The following HAS1 variants were observed in gnomAD, a reference collection of about 807,000 sequenced individuals.
HAS1 encodes the protein hyaluronan synthase 1, also known as HA synthase 1.
HAS1 carries 27 observed loss-of-function variants against 35.0 expected under a neutral mutation model. The ratio of observed to expected loss-of-function variants is 0.77; its 90% CI spans 0.57 to 1.06. HAS1 has a LOEUF of 1.06. Among genes scored for constraint, HAS1 ranks in the 50% least tolerant of loss-of-function variants. The pLI is 0.00. For missense variants in HAS1, 940 were observed against 814.8 expected (o/e 1.15, Z -1.87); for synonymous variants, 409 against 371.2 (o/e 1.10, Z -1.17).
intron 2 of HAS1, among the ~76,000 whole-genome samples, chr19:51,717,780 G>A (rs2083597283): frequency 6.6e-6 from 1 of 152,172 alleles, no homozygotes; most frequent in African/African-American, 2.4e-5. Flanking sequence ...AGCTCCAGCT[G>A]ACACCTTGAT....
In HAS1 at chr19:51,713,533, C is replaced by G. The variant is rs2083555841; in HGVS notation, c.1628G>C (p.Gly543Ala). 1 of 1,594,852 alleles carries G rather than the reference C, an allele frequency of 6.3e-7. No individual in the cohort carries two copies. Among genetic ancestry groups the G allele is most frequent in the Non-Finnish European group, 8.5e-7 (1 of 1,171,756 alleles). Residue 543 changes from glycine to alanine, a missense_variant, in exon 5 of 5, where the codon GGG becomes GCG. Physicochemically the swap from Gly to Ala is moderately conservative, Grantham distance 60. Coordinates refer to ENST00000540069, the MANE Select transcript of HAS1 (RefSeq NM_001297436.2). This position sits in a 1 kb window ranked among gnomAD's most constrained non-coding sequence, Gnocchi z 4.5. Reference protein sequence around the residue: ...RAAEAYHLAAGAGAYVGYWVA... With the variant: ...RAAEAYHLAAAAGAYVGYWVA... The stretch of plus-strand genomic sequence containing the variant: ...CCAGTAGCCCACGTAGGCGCCGGCC[C>G]CCGCGGCCAAGTGGTAGGCCTCGGC...
In HAS1 at chr19:51,713,992, G is replaced by T. The variant is rs1416565464; in HGVS notation, c.1169C>A (p.Ala390Glu). The T allele has an allele frequency of 6.2e-7, 1 of 1,613,734 alleles. No individual in the cohort carries two copies. The change falls in exon 5 of 5, where the codon GCG becomes GAG. Residue 390 changes from alanine to glutamate, a missense_variant. Coordinates refer to ENST00000540069, the MANE Select transcript of HAS1 (RefSeq NM_001297436.2). This position sits in a 1 kb window ranked among gnomAD's most constrained non-coding sequence, Gnocchi z 4.5. ...CGCATGGTGCCGGTGCCACCAGAGC[G>T]CGTTGTACAGCCACTCACGGAAGTA... ...KSYFREWLYNALWWHRHHAWM... is the reference protein window; with the variant it reads ...KSYFREWLYNELWWHRHHAWM...
rs1290333171 is a variant in HAS1, at chr19:51,719,323, T to G, written c.582A>C (p.Ala194=). 1 of 1,612,470 alleles carries G rather than the reference T, an allele frequency of 6.2e-7. No individual in the cohort carries two copies. The highest frequency in any genetic ancestry group is 1.1e-5 in the South Asian group (1 of 90,862). The change falls in exon 2 of 5, where the codon GCA becomes GCC. Residue 194 remains alanine, a synonymous_variant. Transcript: ENST00000540069. ...TGCGAGTCCTCACCAGCGCCTCCAC[T>G]GCCAGCCGCCCAGGATCCTCCGCCT... ...EVEAEDPGRL[A]VEALVRTRRC...
chr19:51,716,853 A>G, intron 3 of HAS1, 115 bp downstream of exon 3: 1 of 776,190 alleles, frequency 1.3e-6, no homozygotes, highest in Admixed American at 1.8e-5. Flanking sequence ...CCCATCCCCA[A>G]TTCCTGCCCT....
chr19:51,713,450 C>T lies in HAS1; in HGVS notation c.1711G>A (p.Gly571Arg), dbSNP rs528538024. 102 of 1,543,076 alleles carry T rather than the reference C, an allele frequency of 6.6e-5. 3 individuals carry two copies. The South Asian group carries it at 1.2e-3, about 18-fold the overall frequency. Reference sequence around the variant, plus strand: ...ACTCACACCTGGACGCGGTAGCCCCCGGTCCGCCGCCGGCAAAGCCTCCGC... The same window carrying T: ...ACTCACACCTGGACGCGGTAGCCCCTGGTCCGCCGCCGGCAAAGCCTCCGC... The part of the protein sequence containing the change: ...GVRRLCRRRT[G>R]GYRVQV Residue 571 changes from glycine (G) to arginine (R), a missense_variant, in exon 5 of 5, where the codon GGG (glycine) becomes AGG (arginine). By Grantham distance (125) the Gly-to-Arg change is moderately radical (BLOSUM62 -2). Coordinates refer to ENST00000540069, the MANE Select transcript of HAS1 (RefSeq NM_001297436.2). The surrounding 1 kb of genome is among the most constrained non-coding windows in gnomAD (Gnocchi z 4.5).
rs201369230 is a variant in HAS1 at position 51,717,004 on chromosome 19, A to G, written c.889T>C (p.Tyr297His). The G allele has an allele frequency of 7.1e-5, 114 of 1,613,854 alleles. No homozygotes were observed. Among genetic ancestry groups the G allele is most frequent in the Non-Finnish European group, 8.6e-5 (102 of 1,179,880 alleles). The part of the protein sequence containing the change: ...AFNVERACQS[Y>H]FHCVSCISGP... ...CTGATGCAGGATACACAGTGGAAGTAGCTCTGACAAGCCCGCTCCACATTG... is the reference window on the plus strand; with the variant it reads ...CTGATGCAGGATACACAGTGGAAGTGGCTCTGACAAGCCCGCTCCACATTG... Residue 297 changes from tyrosine to histidine, a missense_variant, in exon 3 of 5, where the codon TAC becomes CAC. Physicochemically the swap from Tyr to His is moderately conservative, Grantham distance 83. Transcript: ENST00000540069.
Position 51,714,698 on chromosome 19 carries a change from G to GAAAAAAAA in HAS1, c.1059-604_1059-597dup, listed in dbSNP as rs55677402. Among the ~76,000 whole-genome samples, 60 of 126,340 alleles carry GAAAAAAAA rather than the reference G, an allele frequency of 4.7e-4. 1 individual carries two copies. Among genetic ancestry groups the GAAAAAAAA allele is most frequent in the African/African-American group, 1.5e-3 (51 of 33,200 alleles). 82.9% of individuals were successfully genotyped at this position (126,340 alleles called of 152,430 possible). ...AGCAACACAGCAAGACTCTATCTAA[G>GAAAAAAAA]AAAAAAAAAAAGGCTCTCATAAGAC... On this transcript the variant is annotated intron_variant, in intron 4 of 4. Coordinates refer to ENST00000540069, the MANE Select transcript of HAS1 (RefSeq NM_001297436.2).
At position 51,713,580 on chromosome 19, in the gene HAS1, G is replaced by A. The variant is rs1356986303; in HGVS notation, c.1581C>T (p.Asp527=). The stretch of plus-strand genomic sequence containing the variant: ...CGGCTGCGCGGGAAGGGCCGCTCCA[G>A]TCGGCCCTGGCCTCGTGTGCTACGC... ...VRSVAHEARA[D]WSGPSRAAEA... The change falls in exon 5 of 5, where the codon GAC becomes GAT. Residue 527 remains aspartate, a synonymous_variant. Transcript: ENST00000540069. The surrounding 1 kb of genome is among the most constrained non-coding windows in gnomAD (Gnocchi z 4.5). 3.2e-6 allele frequency: 5 copies of A among 1,564,112 alleles called. No individual in the cohort carries two copies. In the African/African-American group the frequency reaches 6.8e-5, roughly 21 times the overall value.
Position 51,717,091 on chromosome 19 carries a change from T to C in HAS1, c.802A>G (p.Ile268Val), listed in dbSNP as rs772616275. The C allele has an allele frequency of 1.2e-6, 2 of 1,613,800 alleles. No individual in the cohort carries two copies. The highest frequency in any genetic ancestry group is 1.3e-5 in the African/African-American group (1 of 74,836). ...ACCCAGGAGTCCAGAGGGTTAAGGA[T>C]CCGCACGTCCCCACCAACAGCCCCT... ...RVGAVGGDVR[I>V]LNPLDSWVSF... The change falls in exon 3 of 5, where the codon ATC becomes GTC. Residue 268 changes from isoleucine (I) to valine (V), a missense_variant. By Grantham distance (29) the Ile-to-Val change is conservative. Coordinates refer to ENST00000540069, the MANE Select transcript of HAS1 (RefSeq NM_001297436.2).
At position 51,714,213 on chromosome 19, in the gene HAS1, C is replaced by T. The variant is rs1409127517; in HGVS notation, c.1059-111G>A. 4.1e-6 allele frequency: 6 copies of T among 1,479,896 alleles called. No individual in the cohort carries two copies. The African/African-American group carries it at 5.6e-5, about 14-fold the overall frequency. 91.7% of individuals were successfully genotyped at this position (1,479,896 alleles called of 1,614,324 possible). On this transcript the variant is annotated intron_variant, in intron 4 of 4. Coordinates refer to ENST00000540069, the MANE Select transcript of HAS1 (RefSeq NM_001297436.2). Reference sequence around the variant, plus strand: ...CGGCCACTGGGGGCGAGTTTCTTAACCTCTCTAGGCCTCAGTGTTCTCATG... The same window carrying T: ...CGGCCACTGGGGGCGAGTTTCTTAATCTCTCTAGGCCTCAGTGTTCTCATG...
At chr19:51,723,131 A>G (rs1244164506) in intron 1 of HAS1, among the ~76,000 whole-genome samples, 1 of 152,140 alleles carries the variant, frequency 6.6e-6, no homozygotes, top group Non-Finnish European at 1.5e-5. Context: ...ACGTGTAGAC[A>G]CACTCCCCCA....
intron 1 of HAS1, 21 bp from the exon 2 acceptor site, chr19:51,719,916 A>G: frequency 6.7e-7 from 1 of 1,502,952 alleles, no homozygotes; most frequent in Non-Finnish European, 8.9e-7. Context: ...CGAGAGGGGA[A>G]AGGAAGGGGC....
At position 51,713,501 on chromosome 19, in the gene HAS1, T is replaced by C. The variant is rs1271297123; in HGVS notation, c.1660A>G (p.Met554Val). The change falls in exon 5 of 5, where the codon ATG (methionine) becomes GTG (valine). Residue 554 changes from methionine to valine, a missense_variant. By Grantham distance (21) the Met-to-Val change is conservative. Transcript: ENST00000540069. The surrounding 1 kb of genome is among the most constrained non-coding windows in gnomAD (Gnocchi z 4.5). ...ACGCCCACCCAGTACAGCGTCAACA[T>C]GGCCACCCAGTAGCCCACGTAGGCG... Reference protein sequence around the residue: ...AGAYVGYWVAMLTLYWVGVRR... With the variant: ...AGAYVGYWVAVLTLYWVGVRR... 6.2e-7 allele frequency: 1 copy of C among 1,606,670 alleles called. No individual in the cohort carries two copies. Among genetic ancestry groups the C allele is most frequent in the Non-Finnish European group, 8.5e-7 (1 of 1,177,158 alleles).
At position 51,723,950 on chromosome 19, in the gene HAS1, G is replaced by A. The variant is rs368951659; in HGVS notation, c.-17C>T. On this transcript the variant is annotated 5_prime_UTR_variant, in exon 1 of 5. Coordinates refer to ENST00000540069, the MANE Select transcript of HAS1 (RefSeq NM_001297436.2). Reference sequence around the variant, plus strand: ...CTGTCTCATCGCAGTGGGTCTGGCCGGGCTCTCTCTTCTCTCCGGCTTGCT... The same window carrying A: ...CTGTCTCATCGCAGTGGGTCTGGCCAGGCTCTCTCTTCTCTCCGGCTTGCT... 5.9e-5 allele frequency: 90 copies of A among 1,536,604 alleles called. No homozygotes were observed. In the African/African-American group the frequency reaches 9.0e-4, roughly 15 times the overall value.
intron 1 of HAS1, among the ~76,000 whole-genome samples, chr19:51,721,398 G>A (rs57489825): frequency 0.07 from 10,690 of 152,146 alleles, 662 homozygotes; most frequent in African/African-American, 0.17. Context: ...TGCTGGAAGA[G>A]CCCAGAATCA....
Position 51,716,285 on chromosome 19 carries a change from G to A in HAS1, c.1029C>T (p.Asn343=), listed in dbSNP as rs777160262. 5 of 1,613,990 alleles carry A rather than the reference G, an allele frequency of 3.1e-6. No individual in the cohort carries two copies. Among genetic ancestry groups the A allele is most frequent in the Non-Finnish European group, 3.4e-6 (4 of 1,179,896 alleles). The change falls in exon 4 of 5, where the codon AAC becomes AAT. Residue 343 remains asparagine (N), a synonymous_variant. Coordinates refer to ENST00000540069, the MANE Select transcript of HAS1 (RefSeq NM_001297436.2). ...CTFGDDRHLT[N]RMLSMGYATK... ...TAGCATAACCCATGCTGAGCATGCG[G>A]TTGGTGAGGTGCCGGTCATCCCCAA...
chr19:51,716,908 C>G (rs771144000), intron 3 of HAS1, 60 bp downstream of exon 3: 9 of 1,155,360 alleles, frequency 7.8e-6, no homozygotes, highest in East Asian at 7.0e-5. Context: ...CAGCCCCATC[C>G]GGCTTCCCTT....
At chr19:51,717,633 G>C (rs1407225887) in intron 2 of HAS1, among the ~76,000 whole-genome samples, 1 of 152,212 alleles carries the variant, frequency 6.6e-6, no homozygotes, top group Non-Finnish European at 1.5e-5. Flanking sequence ...AGCAGACCTA[G>C]AAGTCAGAGA....
At chr19:51,719,997 T>TGCCCTCCCC in intron 1 of HAS1, 102 bp from the exon 2 acceptor site, 1 of 669,578 alleles carries the variant, frequency 1.5e-6, no homozygotes, top group South Asian at 2.0e-5. Context: ...CTCCTTCCCT[T>TGCCCTCCCC]TCCCTCCCCT....
Sources: allele counts gnomAD v4.1 joint callset (sites outside exome capture counted in the v4.1 genomes callset), GRCh38; gene constraint gnomAD v4.1.1; non-coding constraint Gnocchi (gnomAD v3.1); transcripts MANE v1.5; gene names NCBI Gene and HGNC (gene_info 2026-07-23, HGNC 2026-07-21).